The following SGCD variants were observed in gnomAD, a reference collection of about 807,000 sequenced individuals.
SGCD encodes the protein sarcoglycan delta.
A neutral mutation model predicts 36.6 loss-of-function variants in SGCD; 18 were observed. That is an observed-to-expected ratio of 0.49 (90% CI 0.34 to 0.73). The LOEUF is 0.73. SGCD is among the 30% of genes least tolerant of loss of function. The pLI is 0.01. For missense variants in SGCD, 387 were observed against 346.7 expected, an observed-to-expected ratio of 1.12 and a Z score of -0.92; for synonymous variants, 133 against 130.6, an observed-to-expected ratio of 1.02 and a Z score of -0.12.
intron 1 of SGCD, among the ~76,000 whole-genome samples, chr5:156,042,356 T>C (rs535247376): frequency 2.1e-4 from 32 of 152,216 alleles, no homozygotes; most frequent in Admixed American, 5.2e-4. Flanking sequence ...AAATGACAGA[T>C]GCAGGAATTT....
Position 156,589,328 on chromosome 5 carries a change from G to A in SGCD, c.382+10G>A. 2 of 1,520,398 alleles carry A rather than the reference G, an allele frequency of 1.3e-6. No individual in the cohort carries two copies. The highest frequency in any genetic ancestry group is 2.4e-5 in the South Asian group (2 of 83,930). 94.2% of individuals were successfully genotyped at this position (1,520,398 alleles called of 1,614,324 possible). A position where few individuals can be genotyped will look rare whatever the true frequency, so the allele number is the denominator to read the frequency against. On this transcript the variant is annotated intron_variant, in intron 5 of 8. Transcript: ENST00000337851. ...ACTCAGCTTATAACAGGTAAGAAAA[G>A]GGAGAACTTAACAGTGCCTAGCCCA...
chr5:156,208,431 C>G (rs1764347861), intron 3 of SGCD, among the ~76,000 whole-genome samples: 1 of 152,210 alleles, frequency 6.6e-6, no homozygotes, highest in African/African-American at 2.4e-5. Flanking sequence ...CAGGAACTAG[C>G]ATTCTGACTC....
chr5:156,249,261 C>G (rs1471645069), intron 3 of SGCD, among the ~76,000 whole-genome samples: 1 of 151,546 alleles, frequency 6.6e-6, no homozygotes, highest in Admixed American at 6.6e-5. Context: ...GGACAGGCCA[C>G]AAAAATAGGA....
intron 3 of SGCD, among the ~76,000 whole-genome samples, chr5:156,362,799 A>C (rs1769875320): frequency 6.6e-6 from 1 of 152,210 alleles, no homozygotes. Flanking sequence ...ATTCAGAGTC[A>C]CAGCAACCTT....
chr5:156,412,562 G>A (rs1489586256), intron 3 of SGCD, among the ~76,000 whole-genome samples: 1 of 152,182 alleles, frequency 6.6e-6, no homozygotes, highest in African/African-American at 2.4e-5. Context: ...AGGGGCACAG[G>A]AAAATCAAGT....
intron 1 of SGCD, among the ~76,000 whole-genome samples, chr5:156,104,739 A>G (rs1761604150): frequency 6.6e-6 from 1 of 152,234 alleles, no homozygotes; most frequent in Non-Finnish European, 1.5e-5. Context: ...CAAAATTGAT[A>G]AAATCTTAGT....
At chr5:156,682,085 C>A (rs1753743353) in intron 7 of SGCD, among the ~76,000 whole-genome samples, 1 of 152,180 alleles carries the variant, frequency 6.6e-6, no homozygotes, top group Non-Finnish European at 1.5e-5. Context: ...GTTGCATTTT[C>A]TCTCTGGTAT....
At chr5:155,905,450 C>T (rs1251100341) in intron 1 of SGCD, among the ~76,000 whole-genome samples, 1 of 152,124 alleles carries the variant, frequency 6.6e-6, no homozygotes, top group Non-Finnish European at 1.5e-5. Flanking sequence ...TAGAGGGACT[C>T]TTAGGCCCAA....
the SGCD span, among the ~76,000 whole-genome samples, chr5:155,864,431 G>A: frequency 2.0e-5 from 3 of 152,156 alleles, no homozygotes; most frequent in African/African-American, 4.8e-5. Flanking sequence ...CGGTGGAGGC[G>A]GGGAGGTTGT....
At chr5:156,222,097 C>T (rs2127646251) in intron 3 of SGCD, among the ~76,000 whole-genome samples, 1 of 152,076 alleles carries the variant, frequency 6.6e-6, no homozygotes, top group South Asian at 2.1e-4. Flanking sequence ...ATGTTGCAAG[C>T]AGGAAAATTT....
At chr5:155,896,669 C>A in intron 1 of SGCD, among the ~76,000 whole-genome samples, 1 of 151,322 alleles carries the variant, frequency 6.6e-6, no homozygotes. Context: ...ACAATAATAA[C>A]AATTTTATAA....
rs1759409259 is a variant in SGCD at position 156,033,543 on chromosome 5, A to G, written c.-281-84335A>G. On this transcript the variant is annotated intron_variant, in intron 1 of 9. Transcript: ENST00000517913. The stretch of plus-strand genomic sequence containing the variant: ...CTGAGGGTAAGTGAAATAAGAATCC[A>G]TGGATGAATTCTTAACCTGAAGTGT... Among the ~76,000 whole-genome samples the G allele has an allele frequency of 2.0e-5, 3 of 152,318 alleles. No individual in the cohort carries two copies. In the South Asian group the frequency reaches 6.2e-4, roughly 32 times the overall value.
At chr5:156,169,176 A>G (rs911879798) in intron 3 of SGCD, among the ~76,000 whole-genome samples, 1 of 152,236 alleles carries the variant, frequency 6.6e-6, no homozygotes, top group Non-Finnish European at 1.5e-5. Context: ...GACCACTTGA[A>G]AAATGAACAG....
At chr5:155,901,823 A>C (rs1278822444) in intron 1 of SGCD, among the ~76,000 whole-genome samples, 1 of 152,154 alleles carries the variant, frequency 6.6e-6, no homozygotes, top group African/African-American at 2.4e-5. Flanking sequence ...AAACCTTTTT[A>C]CTTCTTAACC....
chr5:156,411,442 T>A (rs1453352091), intron 3 of SGCD, among the ~76,000 whole-genome samples: 1 of 152,090 alleles, frequency 6.6e-6, no homozygotes, highest in Non-Finnish European at 1.5e-5. Flanking sequence ...AGGGTTATTA[T>A]CCCCCAAAGC....
intron 3 of SGCD, among the ~76,000 whole-genome samples, chr5:156,311,339 G>A (rs1470367946): frequency 2.6e-5 from 4 of 152,120 alleles, no homozygotes; most frequent in Non-Finnish European, 5.9e-5. Context: ...TATTGACCCC[G>A]AACAGGAGTG....
intron 4 of SGCD, among the ~76,000 whole-genome samples, chr5:156,554,224 G>A (rs1008903633): frequency 4.6e-5 from 7 of 151,952 alleles, no homozygotes; most frequent in East Asian, 1.9e-4. Flanking sequence ...GGCATGTGGC[G>A]CACGCCTGTA....
intron 3 of SGCD, among the ~76,000 whole-genome samples, chr5:156,163,462 A>G (rs905398255): frequency 6.6e-6 from 1 of 151,658 alleles, no homozygotes; most frequent in Non-Finnish European, 1.5e-5. Flanking sequence ...ATTTCCTCAT[A>G]GAGGGAGGCA....
At chr5:156,396,836 C>T (rs1771878206) in intron 3 of SGCD, among the ~76,000 whole-genome samples, 2 of 152,182 alleles carry the variant, frequency 1.3e-5, no homozygotes, top group African/African-American at 4.8e-5. Flanking sequence ...ATTGTGATTC[C>T]TATTTCGAAT....
Sources: gnomAD v4.1 joint callset for allele counts (sites outside exome capture counted in the v4.1 genomes callset) on GRCh38, gnomAD v4.1.1 for gene constraint, MANE v1.5 for transcripts, NCBI Gene and HGNC (gene_info 2026-07-23, HGNC 2026-07-21) for gene names.